The following KHDRBS1 variants were observed in gnomAD, a reference collection of about 807,000 sequenced individuals.
The protein encoded by KHDRBS1 is KH domain-containing, RNA-binding, signal transduction-associated protein 1.
A neutral mutation model predicts 48.4 loss-of-function variants in KHDRBS1; 7 were observed. That is an observed-to-expected ratio of 0.14 (90% CI 0.08 to 0.27). The LOEUF (loss-of-function observed/expected upper bound fraction) is 0.27, where lower values mean the gene tolerates loss of function less well. KHDRBS1 is among the 10% of genes least tolerant of loss of function. The probability of loss-of-function intolerance (pLI) is 1.00; values close to 1 mark genes in which losing one functional copy is unlikely to be tolerated. For missense variants in KHDRBS1, 458 were observed against 601.2 expected (o/e 0.76, Z 2.49); for synonymous variants, 241 against 235.8 (o/e 1.02, Z -0.20).
intron 10 of KHDRBS1, among the ~76,000 whole-genome samples, chr1:32,056,351 A>G (rs1639479599): frequency 6.6e-6 from 1 of 152,196 alleles, no homozygotes; most frequent in South Asian, 2.1e-4. Flanking sequence ...AGATGTTTCT[A>G]GATAGAGTGT....
chr1:32,037,701 T>C, intron 5 of KHDRBS1, 134 bp from the exon 6 acceptor site: 1 of 971,120 alleles, frequency 1.0e-6, no homozygotes, highest in Non-Finnish European at 1.6e-6. Flanking sequence ...ACCCTGTACA[T>C]TCCTCTGTGC....
chr1:32,024,972 CA>C (rs768362601), intron 1 of KHDRBS1, among the ~76,000 whole-genome samples: 10 of 147,438 alleles, frequency 6.8e-5, no homozygotes, highest in Non-Finnish European at 1.2e-4. Flanking sequence ...TTAAAACAAA[CA>C]AAAAAAAAGG....
downstream of KHDRBS1, among the ~76,000 whole-genome samples, chr1:32,045,646 TC>T (rs1451557270): frequency 3.1e-4 from 47 of 152,314 alleles, 1 homozygote; most frequent in South Asian, 4.1e-4. Flanking sequence ...GAGGTGGTGT[TC>T]CACTTGGAGT....
intron 10 of KHDRBS1, among the ~76,000 whole-genome samples, chr1:32,057,839 G>A (rs1278572507): frequency 2.7e-5 from 4 of 150,490 alleles, no homozygotes; most frequent in African/African-American, 7.3e-5. Context: ...CTCAGGGGCC[G>A]GGTGCGGTGG....
Position 32,055,267 on chromosome 1 carries a change from G to A in KHDRBS1, n.1302-4896G>A, listed in dbSNP as rs542077956. ...GTTTGAGACCAGCCTGGCCAACATG[G>A]TGAAACCCCACCTCTACTAAAAATA... On this transcript the variant is annotated intron_variant and non_coding_transcript_variant, in intron 10 of 10. Coordinates refer to the KHDRBS1 transcript ENST00000484270. 5.3e-5 allele frequency among the ~76,000 whole-genome samples: 8 copies of A among 152,282 alleles called. No homozygotes were observed. The East Asian group carries it at 1.5e-3, about 29-fold the overall frequency.
intron 1 of KHDRBS1, among the ~76,000 whole-genome samples, chr1:32,024,902 CT>C (rs745346836): frequency 1.7e-4 from 26 of 151,604 alleles, no homozygotes; most frequent in Non-Finnish European, 3.1e-4. Flanking sequence ...GAGTTCGAGG[CT>C]GCAGTGAACT....
At chr1:32,025,292 CTTTTTTTTT>C (rs576339772) in intron 1 of KHDRBS1, among the ~76,000 whole-genome samples, 1 of 92,094 alleles carries the variant, frequency 1.1e-5, no homozygotes, top group African/African-American at 5.4e-5. Flanking sequence ...TCGGCTCCTC[CTTTTTTTTT>C]TTTTTTTTTT....
intron 4 of KHDRBS1, among the ~76,000 whole-genome samples, 173 bp downstream of exon 4, chr1:32,033,507 A>G (rs1639119834): frequency 6.6e-6 from 1 of 152,044 alleles, no homozygotes. Flanking sequence ...TTCTCAAAGC[A>G]TTATGCTCCA....
chr1:32,028,204 A>G (rs190782400), intron 1 of KHDRBS1, among the ~76,000 whole-genome samples: 4 of 152,244 alleles, frequency 2.6e-5, no homozygotes, highest in African/African-American at 4.8e-5. Flanking sequence ...CTTCAAGCCA[A>G]TGGTTTTCAA....
chr1:32,040,380 C>T lies in KHDRBS1; in HGVS notation c.1234+807C>T, dbSNP rs187479745. The stretch of plus-strand genomic sequence containing the variant: ...GCAACGAGCTGAGACCGTGCCATTG[C>T]ACTCCAGCCTGGGCAACAAAAGTCC... On this transcript the variant is annotated intron_variant, in intron 8 of 8. Transcript: ENST00000327300. Among the ~76,000 whole-genome samples the T allele has an allele frequency of 8.6e-5, 13 of 151,888 alleles. No homozygotes were observed. In the East Asian group the frequency reaches 2.3e-3, roughly 27 times the overall value.
chr1:32,025,346 G>GTCGGA (rs1173393752), intron 1 of KHDRBS1, among the ~76,000 whole-genome samples: 2 of 136,582 alleles, frequency 1.5e-5, no homozygotes, highest in African/African-American at 5.7e-5. Context: ...TGTCACCCAG[G>GTCGGA]CTAGAGTGCA....
In KHDRBS1 at chr1:32,014,021, C is replaced by T; in HGVS notation, c.26C>T (p.Ala9Val). Residue 9 changes from alanine (A) to valine (V), a missense_variant, in exon 1 of 9, where the codon GCG (alanine) becomes GTG (valine). Ala to Val is a moderately conservative substitution (Grantham distance 64). Transcript: ENST00000327300. ...ATGCAGCGCCGGGACGACCCCGCCG[C>T]GCGCATGAGCCGGTCTTCGGGCCGT... MQRRDDPA[A>V]RMSRSSGRSG... 6.6e-7 allele frequency: 1 copy of T among 1,526,324 alleles called. No homozygotes were observed. The highest frequency in any genetic ancestry group is 8.7e-7 in the Non-Finnish European group (1 of 1,148,360). 94.5% of individuals were successfully genotyped at this position (1,526,324 alleles called of 1,614,324 possible).
At chr1:32,047,339 A>C (rs1639369560), downstream of KHDRBS1, among the ~76,000 whole-genome samples, 1 of 152,066 alleles carries the variant, frequency 6.6e-6, no homozygotes, top group African/African-American at 2.4e-5. Context: ...TTGTATTTTT[A>C]GTAGAGATGT....
intron 1 of KHDRBS1, among the ~76,000 whole-genome samples, chr1:32,023,063 A>G (rs545977050): frequency 1.4e-4 from 22 of 151,920 alleles, no homozygotes; most frequent in African/African-American, 5.3e-4. Flanking sequence ...TTTCTTATTA[A>G]CATTCTCTTT....
At chr1:32,033,093 A>G (rs767644245) in intron 3 of KHDRBS1, 95 bp from the exon 4 acceptor site, 24 of 878,222 alleles carry the variant, frequency 2.7e-5, no homozygotes, top group Admixed American at 1.9e-4. Flanking sequence ...TTTCATGGAC[A>G]TTAGGGGTAT....
intron 4 of KHDRBS1, among the ~76,000 whole-genome samples, chr1:32,033,842 C>T (rs910251404): frequency 2.0e-5 from 3 of 151,876 alleles, no homozygotes; most frequent in Non-Finnish European, 4.4e-5. Context: ...TTGCTGAGGA[C>T]GAGTTTAGTT....
In KHDRBS1 at chr1:32,033,184, A is replaced by G. The variant is rs772753963; in HGVS notation, c.625-4A>G. ...GTGTGACATTTCTCTGCATTTTTCC[A>G]TAGGAGGAAGAGCTGCGCAAAGGTG... On this transcript the variant is annotated splice_polypyrimidine_tract_variant and splice_region_variant and intron_variant, in intron 3 of 8. Coordinates refer to ENST00000327300, the MANE Select transcript of KHDRBS1 (RefSeq NM_006559.3). 1.2e-5 allele frequency: 20 copies of G among 1,612,282 alleles called. No homozygotes were observed. The highest frequency in any genetic ancestry group is 3.3e-5 in the Admixed American group (2 of 59,966).
intron 10 of KHDRBS1, among the ~76,000 whole-genome samples, chr1:32,059,127 C>G (rs545474511): frequency 3.6e-4 from 53 of 146,610 alleles, no homozygotes; most frequent in Admixed American, 3.5e-3. Flanking sequence ...TGCCCCTGCA[C>G]TCCAGCCTGA....
At chr1:32,055,572 T>C (rs915007549) in intron 10 of KHDRBS1, among the ~76,000 whole-genome samples, 6 of 152,286 alleles carry the variant, frequency 3.9e-5, no homozygotes, top group South Asian at 2.1e-4. Flanking sequence ...GATGAATATT[T>C]AATAGCATTG....
Sources: gnomAD v4.1 joint callset for allele counts (sites outside exome capture counted in the v4.1 genomes callset) on GRCh38, gnomAD v4.1.1 for gene constraint, MANE v1.5 for transcripts, NCBI Gene and HGNC (gene_info 2026-07-23, HGNC 2026-07-21) for gene names.